Variants in RABL2A observed in about 807,000 individuals in gnomAD.
The protein encoded by RABL2A is rab-like protein 2A.
A neutral mutation model predicts 30.7 loss-of-function variants in RABL2A; 17 were observed. The ratio of observed to expected loss-of-function variants is 0.55; its 90% CI spans 0.38 to 0.83. The LOEUF is 0.83. RABL2A is among the 40% of genes least tolerant of loss of function. The pLI is 0.00. For synonymous variants in RABL2A, 64 were observed against 101.8 expected, an observed-to-expected ratio of 0.63 and a Z score of 2.24; for missense variants, 155 against 272.6, an observed-to-expected ratio of 0.57 and a Z score of 3.04.
chr2:113,632,847 G>C, intron 2 of RABL2A, 68 bp from the exon 3 acceptor site: 2 of 1,613,790 alleles, frequency 1.2e-6, no homozygotes, highest in Middle Eastern at 1.7e-4. Flanking sequence ...TCAGCCTTAG[G>C]GTGAAAAAGT....
At chr2:113,639,698 A>C (rs1321868210) in intron 5 of RABL2A, among the ~76,000 whole-genome samples, 2 of 143,062 alleles carry the variant, frequency 1.4e-5, no homozygotes, top group South Asian at 2.3e-4. Context: ...TCTACTAAAA[A>C]TAAAAAAATT....
intron 1 of RABL2A, among the ~76,000 whole-genome samples, 161 bp downstream of exon 1, chr2:113,627,561 C>G (rs1678542248): frequency 6.6e-6 from 1 of 152,066 alleles, no homozygotes; most frequent in South Asian, 2.1e-4. Context: ...CTGGCGATGC[C>G]TGGACATGGT....
intron 4 of RABL2A, among the ~76,000 whole-genome samples, chr2:113,634,814 C>G (rs1420736176): frequency 6.6e-6 from 1 of 152,144 alleles, no homozygotes; most frequent in Non-Finnish European, 1.5e-5. Flanking sequence ...TGTCCTTCCT[C>G]CTGGCCCCTG....
intron 5 of RABL2A, among the ~76,000 whole-genome samples, chr2:113,639,701 A>C (rs1433297137): frequency 3.5e-5 from 5 of 141,356 alleles, no homozygotes; most frequent in South Asian, 2.3e-4. Context: ...ACTAAAAATA[A>C]AAAAATTAGC....
intron 5 of RABL2A, 142 bp from the exon 6 acceptor site, chr2:113,640,752 G>A: frequency 7.1e-7 from 1 of 1,417,628 alleles, no homozygotes. Flanking sequence ...AGCCTCTGCG[G>A]TCAGAGAGGC....
At position 113,632,900 on chromosome 2, in the gene RABL2A, C is replaced by T. The variant is rs1403114431; in HGVS notation, c.108-15C>T. On this transcript the variant is annotated splice_polypyrimidine_tract_variant and intron_variant, in intron 2 of 8. Transcript: ENST00000683472. Reference sequence around the variant, plus strand: ...TGGAGACGCCATCTGACCACCTTGCCTGTTCTGCTTACAGACTCATGGAGA... The same window carrying T: ...TGGAGACGCCATCTGACCACCTTGCTTGTTCTGCTTACAGACTCATGGAGA... 6.2e-7 allele frequency: 1 copy of T among 1,614,070 alleles called. No homozygotes were observed. Among genetic ancestry groups the T allele is most frequent in the Admixed American group, 1.7e-5 (1 of 60,006 alleles).
chr2:113,629,595 C>T (rs891117456), intron 2 of RABL2A, among the ~76,000 whole-genome samples: 1 of 151,164 alleles, frequency 6.6e-6, no homozygotes, highest in Admixed American at 6.6e-5. Flanking sequence ...AGTGCAGTGA[C>T]GTGATCTCGG....
At chr2:113,632,732 T>C (rs1032809702) in intron 2 of RABL2A, among the ~76,000 whole-genome samples, 183 bp from the exon 3 acceptor site, 1 of 152,196 alleles carries the variant, frequency 6.6e-6, no homozygotes, top group African/African-American at 2.4e-5. Flanking sequence ...GCTGTTTTGT[T>C]ATGACGGGTT....
At chr2:113,631,114 G>A (rs1201123721) in intron 2 of RABL2A, among the ~76,000 whole-genome samples, 1 of 151,942 alleles carries the variant, frequency 6.6e-6, no homozygotes, top group Non-Finnish European at 1.5e-5. Flanking sequence ...AGGTTGGTCT[G>A]GAATTCCTAA....
At chr2:113,638,909 AAAAAT>A (rs1369797627) in intron 5 of RABL2A, among the ~76,000 whole-genome samples, 14 of 152,198 alleles carry the variant, frequency 9.2e-5, no homozygotes, top group Admixed American at 3.3e-4. Flanking sequence ...ATAAATAAAT[AAAAAT>A]AAAATAGGTA....
chr2:113,629,477 G>GTCTCTC (rs141881303), intron 2 of RABL2A, among the ~76,000 whole-genome samples: 231 of 148,858 alleles, frequency 1.6e-3, no homozygotes, highest in African/African-American at 5.3e-3. Flanking sequence ...TGAATTCTCT[G>GTCTCTC]TCTCTCTCTC....
At chr2:113,638,307 G>A in intron 5 of RABL2A, 5 of 985,462 alleles carry the variant, frequency 5.1e-6, no homozygotes, top group Non-Finnish European at 4.8e-6. Context: ...CACAGGGCGA[G>A]CCCCTAGCCC....
intron 2 of RABL2A, among the ~76,000 whole-genome samples, chr2:113,632,332 A>AT (rs1420921177): frequency 6.6e-6 from 1 of 152,154 alleles, no homozygotes; most frequent in African/African-American, 2.4e-5. Flanking sequence ...AGTCTGCCTA[A>AT]TTTTTTCACA....
At chr2:113,636,165 T>G (rs1682629719) in intron 5 of RABL2A, among the ~76,000 whole-genome samples, 1 of 152,110 alleles carries the variant, frequency 6.6e-6, no homozygotes, top group Admixed American at 6.5e-5. Flanking sequence ...AGTAATAGAC[T>G]AGTCTTCTGA....
At chr2:113,631,541 G>A (rs1330077261) in intron 2 of RABL2A, among the ~76,000 whole-genome samples, 1 of 152,214 alleles carries the variant, frequency 6.6e-6, no homozygotes, top group Admixed American at 6.5e-5. Flanking sequence ...GGGAACATCT[G>A]TGTATGTGAC....
chr2:113,641,558 G>A (rs1685179168), intron 7 of RABL2A, 108 bp downstream of exon 7: 1 of 1,610,738 alleles, frequency 6.2e-7, no homozygotes, highest in African/African-American at 1.3e-5. Context: ...CTGGGACAGT[G>A]CATGGGCCTG....
At position 113,642,996 on chromosome 2, in the gene RABL2A, C is replaced by G. The variant is rs1199234086; in HGVS notation, c.*867C>G. 1 of 356,826 alleles carries G rather than the reference C, an allele frequency of 2.8e-6. No homozygotes were observed. 22.1% of individuals were successfully genotyped at this position (356,826 alleles called of 1,614,324 possible). On this transcript the variant is annotated 3_prime_UTR_variant, in exon 9 of 9. Transcript: ENST00000683472. ...CATTCCAGATTTCCGTGTACCCACTCTGTTTCAGGAGCTCTTCTAGGTAAA... is the reference window on the plus strand; with the variant it reads ...CATTCCAGATTTCCGTGTACCCACTGTGTTTCAGGAGCTCTTCTAGGTAAA...
intron 5 of RABL2A, chr2:113,640,488 G>C (rs765219156): frequency 1.6e-4 from 45 of 281,980 alleles, no homozygotes; most frequent in Non-Finnish European, 2.7e-4. Context: ...CAATTCTCCT[G>C]CCTCAGCCTC....
At chr2:113,636,067 C>A (rs1306131194) in intron 5 of RABL2A, among the ~76,000 whole-genome samples, 7 of 151,482 alleles carry the variant, frequency 4.6e-5, no homozygotes, top group Non-Finnish European at 8.8e-5. Flanking sequence ...GAGATCACAC[C>A]ATTGCACTCC....
Sources: gnomAD v4.1 joint callset for allele counts (sites outside exome capture counted in the v4.1 genomes callset) on GRCh38, gnomAD v4.1.1 for gene constraint, MANE v1.5 for transcripts, NCBI Gene and HGNC (gene_info 2026-07-23, HGNC 2026-07-21) for gene names.